The following CASKIN1 variants were observed in gnomAD, a reference collection of about 807,000 sequenced individuals.
CASKIN1 encodes the protein CASK interacting protein 1, also known as caskin-1.
CASKIN1 carries 42 observed loss-of-function variants against 117.5 expected under a neutral mutation model. That is an observed-to-expected ratio of 0.36 (90% CI 0.28 to 0.46). The LOEUF is 0.46. CASKIN1 is among the 20% of genes least tolerant of loss of function. The pLI is 1.00. For missense variants in CASKIN1, 2,083 were observed against 2,077.3 expected, an observed-to-expected ratio of 1.00 and a Z score of -0.05; for synonymous variants, 1,148 against 961.7, an observed-to-expected ratio of 1.19 and a Z score of -3.59.
Position 2,179,939 on chromosome 16 carries a change from G to A in CASKIN1, c.3429C>T (p.Thr1143=), listed in dbSNP as rs761036930. ...NQQENVKFIL[T]ESDTVKRRPK... ...GCCTGCGCTTGACCGTGTCAGACTC[G>A]GTCAGGATGAACTTGACGTTCTCCT... is the stretch of plus-strand genomic sequence containing the variant. Residue 1143 remains threonine, a synonymous_variant, in exon 18 of 20, where the codon ACC becomes ACT. Transcript: ENST00000343516. The surrounding 1 kb of genome is among the most constrained non-coding windows in gnomAD (Gnocchi z 5.8). 6 of 1,606,006 alleles carry A rather than the reference G, an allele frequency of 3.7e-6. No homozygotes were observed. The highest frequency in any genetic ancestry group is 2.2e-5 in the East Asian group (1 of 44,466).
chr16:2,184,846 T>A lies in CASKIN1; in HGVS notation c.1347A>T (p.Pro449=). ...GSAGVARSQP[P]VAHAGQVYGE... Reference sequence around the variant, plus strand: ...CATAGACCTGCCCGGCGTGGGCCACTGGAGGCTGGGACCGGGCCACACCTG... The same window carrying A: ...CATAGACCTGCCCGGCGTGGGCCACAGGAGGCTGGGACCGGGCCACACCTG... The change falls in exon 14 of 20, where the codon CCA becomes CCT. Residue 449 remains proline (P), a synonymous_variant. Coordinates refer to ENST00000343516, the MANE Select transcript of CASKIN1 (RefSeq NM_020764.4). The A allele has an allele frequency of 6.4e-7, 1 of 1,563,394 alleles. No individual in the cohort carries two copies. The highest frequency in any genetic ancestry group is 8.7e-7 in the Non-Finnish European group (1 of 1,154,622).
Position 2,181,300 on chromosome 16 carries a change from TGGTGGCCCTCGG to T in CASKIN1, c.2056_2067del (p.Pro686_Thr689del). The stretch of plus-strand genomic sequence containing the variant: ...CCACCCAGGCTGGAGTCCTGCCGCG[TGGTGGCCCTCGG>T]GGTGGGTGGCAGGTGGCTGGAGGGC... On this transcript the variant is annotated inframe_deletion, in exon 18 of 20. Transcript: ENST00000343516. 1 of 1,603,324 alleles carries T rather than the reference TGGTGGCCCTCGG, an allele frequency of 6.2e-7. No individual in the cohort carries two copies. The highest frequency in any genetic ancestry group is 8.5e-7 in the Non-Finnish European group (1 of 1,178,684).
At chr16:2,191,236 G>C (rs1195532368) in intron 1 of CASKIN1, among the ~76,000 whole-genome samples, 2 of 152,198 alleles carry the variant, frequency 1.3e-5, no homozygotes, top group African/African-American at 4.8e-5. Context: ...GGACAGGGTG[G>C]GGGCAGGAGC....
rs377070967 is a variant in CASKIN1 at position 2,184,964 on chromosome 16, C to G, written c.1311G>C (p.Pro437=). 1.3e-5 allele frequency: 21 copies of G among 1,604,612 alleles called. No individual in the cohort carries two copies. The African/African-American group carries it at 2.7e-4, about 20-fold the overall frequency. ...CCTTGCTCTTACCTGCAGAGCCTTC[C>G]GGAGGCTTGGCGGGGCTGTCCCCCG... is the stretch of plus-strand genomic sequence containing the variant. ...SGPGDSPAKP[P]EGSAGVARSQ... Residue 437 remains proline, a synonymous_variant, in exon 13 of 20, where the codon CCG becomes CCC. Transcript: ENST00000343516.
chr16:2,178,222 C>T lies in CASKIN1; in HGVS notation c.*328G>A, dbSNP rs1236660406. The stretch of plus-strand genomic sequence containing the variant: ...GCGGCTGGCCGGGCGTCCCGATGGG[C>T]AGTTCTGTGCTGGGCCCGGGCCTGT... On this transcript the variant is annotated 3_prime_UTR_variant, in exon 20 of 20. Transcript: ENST00000343516. 2.3e-6 allele frequency: 1 copy of T among 438,688 alleles called. No individual in the cohort carries two copies. The highest frequency in any genetic ancestry group is 4.2e-6 in the Non-Finnish European group (1 of 235,338). 27.2% of individuals were successfully genotyped at this position (438,688 alleles called of 1,614,324 possible).
intron 6 of CASKIN1, 121 bp downstream of exon 6, chr16:2,188,899 TGACCAGG>T: frequency 1.5e-6 from 2 of 1,365,262 alleles, no homozygotes; most frequent in Non-Finnish European, 2.0e-6. Context: ...GCCAGAGGCC[TGACCAGG>T]GACCTGGGAC....
At position 2,182,906 on chromosome 16, in the gene CASKIN1, T is replaced by C. The variant is rs2093172523; in HGVS notation, c.1629+740A>G. On this transcript the variant is annotated intron_variant, in intron 16 of 19. Transcript: ENST00000343516. This position sits in a 1 kb window ranked among gnomAD's most constrained non-coding sequence, Gnocchi z 4.1. Reference sequence around the variant, plus strand: ...CCCGGGTTCATGCCATTCTCCTGCCTCAGACTCCCAAGTAGCTGGGACTAT... The same window carrying C: ...CCCGGGTTCATGCCATTCTCCTGCCCCAGACTCCCAAGTAGCTGGGACTAT... Among the ~76,000 whole-genome samples the C allele has an allele frequency of 6.6e-6, 1 of 152,222 alleles. No individual in the cohort carries two copies. The highest frequency in any genetic ancestry group is 6.5e-5 in the Admixed American group (1 of 15,286).
Position 2,178,520 on chromosome 16 carries a change from G to A in CASKIN1, c.*30C>T. The A allele has an allele frequency of 2.0e-6, 3 of 1,532,636 alleles. No individual in the cohort carries two copies. Among genetic ancestry groups the A allele is most frequent in the Non-Finnish European group, 2.6e-6 (3 of 1,143,722 alleles). The allele number at this position is 1,532,636 out of a possible 1,614,324, so 94.9% of individuals were successfully genotyped here. A position where few individuals can be genotyped will look rare whatever the true frequency, so the allele number is the denominator to read the frequency against. On this transcript the variant is annotated 3_prime_UTR_variant, in exon 20 of 20. Transcript: ENST00000343516. ...AGGTCAGTGTGCGGGGAGGGCCCGGGCGGCGCGGGAGGGCCCGGCCAGGCG... is the reference window on the plus strand; with the variant it reads ...AGGTCAGTGTGCGGGGAGGGCCCGGACGGCGCGGGAGGGCCCGGCCAGGCG...
In CASKIN1 at chr16:2,180,418, G is replaced by C; in HGVS notation, c.2950C>G (p.Arg984Gly). 3 of 1,573,510 alleles carry C rather than the reference G, an allele frequency of 1.9e-6. No individual in the cohort carries two copies. The highest frequency in any genetic ancestry group is 2.6e-6 in the Non-Finnish European group (3 of 1,167,112). ...DGLLGVRAQC[R>G]RASDLAGSVD... The stretch of plus-strand genomic sequence containing the variant: ...CTGCCGGCCAGGTCACTGGCCCGCC[G>C]GCACTGTGCCCGGACCCCCAGCAGG... The change falls in exon 18 of 20, where the codon CGG becomes GGG. Residue 984 changes from arginine to glycine, a missense_variant. Coordinates refer to ENST00000343516, the MANE Select transcript of CASKIN1 (RefSeq NM_020764.4).
Position 2,180,655 on chromosome 16 carries a change from C to A in CASKIN1, c.2713G>T (p.Gly905Cys). 6.5e-7 allele frequency: 1 copy of A among 1,529,668 alleles called. No homozygotes were observed. The highest frequency in any genetic ancestry group is 1.2e-5 in the South Asian group (1 of 83,848). The allele number at this position is 1,529,668 out of a possible 1,614,324, so 94.8% of individuals were successfully genotyped here. Residue 905 changes from glycine to cysteine, a missense_variant, in exon 18 of 20, where the codon GGC becomes TGC. Gly to Cys is a radical substitution (Grantham distance 159). This residue lies in a region of CASKIN1 where 1,818 missense variants were observed against 1,688.9 expected (regional missense o/e 1.08). Transcript: ENST00000343516. ...RDELLVPAAA[G>C]PYATVQRRVG... ...CGCCGCTGGACCGTGGCATAGGGGC[C>A]GGCAGCCGCAGGCACCAGCAGCTCG...
chr16:2,178,078 G>A lies in CASKIN1; in HGVS notation c.*472C>T, dbSNP rs2093148696. The A allele has an allele frequency of 2.0e-6, 1 of 488,222 alleles. No individual in the cohort carries two copies. Among genetic ancestry groups the A allele is most frequent in the African/African-American group, 2.0e-5 (1 of 50,064 alleles). 30.2% of individuals were successfully genotyped at this position (488,222 alleles called of 1,614,324 possible). ...TAAAGTTATACCTTTTTGTTTCTCT[G>A]GGGAAATCCGCCTCAGCTCATTCCC... On this transcript the variant is annotated 3_prime_UTR_variant, in exon 20 of 20. Coordinates refer to ENST00000343516, the MANE Select transcript of CASKIN1 (RefSeq NM_020764.4).
At chr16:2,194,810 G>A (rs1256205147) in intron 1 of CASKIN1, among the ~76,000 whole-genome samples, 1 of 152,102 alleles carries the variant, frequency 6.6e-6, no homozygotes. Context: ...TAGAAGGGAG[G>A]AGGAACCTCC....
chr16:2,190,924 G>T (rs962618229), intron 1 of CASKIN1, among the ~76,000 whole-genome samples: 2 of 152,202 alleles, frequency 1.3e-5, no homozygotes, highest in African/African-American at 4.8e-5. Flanking sequence ...GAGTGGGCTG[G>T]CACCTCTGAG....
intron 16 of CASKIN1, among the ~76,000 whole-genome samples, chr16:2,183,429 C>T (rs1045289387): frequency 6.6e-6 from 1 of 152,154 alleles, no homozygotes; most frequent in African/African-American, 2.4e-5. Flanking sequence ...TTCAGGCTCC[C>T]TCAGCAACGA....
rs750787616 is a variant in CASKIN1, at chr16:2,179,788, G to C, written c.3580C>G (p.Pro1194Ala). 14 of 1,571,944 alleles carry C rather than the reference G, an allele frequency of 8.9e-6. No individual in the cohort carries two copies. In the South Asian group the frequency reaches 1.0e-4, roughly 12 times the overall value. ...GGCGGGGGTTCGGCAGGCGGGGGCG[G>C]TGGAGGCAGCTCCGGAGGCCCAGCC... Reference protein sequence around the residue: ...EQAGPPELPPPPPPAEPPPTD... With the variant: ...EQAGPPELPPAPPPAEPPPTD... Residue 1194 changes from proline to alanine, a missense_variant, in exon 18 of 20, where the codon CCG becomes GCG. Pro to Ala is a conservative substitution (Grantham distance 27). Coordinates refer to ENST00000343516, the MANE Select transcript of CASKIN1 (RefSeq NM_020764.4). The surrounding 1 kb of genome is among the most constrained non-coding windows in gnomAD (Gnocchi z 5.8).
Position 2,186,964 on chromosome 16 carries a change from G to A in CASKIN1, c.930+14C>T, listed in dbSNP as rs757595937. On this transcript the variant is annotated intron_variant, in intron 9 of 19. Coordinates refer to ENST00000343516, the MANE Select transcript of CASKIN1 (RefSeq NM_020764.4). ...CCCCCTCCCTGCTGAGATGGCCCCT[G>A]GGGCCATGCTTACTGTGATGATGTC... is the stretch of plus-strand genomic sequence containing the variant. 1 of 1,613,292 alleles carries A rather than the reference G, an allele frequency of 6.2e-7. No individual in the cohort carries two copies. Among genetic ancestry groups the A allele is most frequent in the Non-Finnish European group, 8.5e-7 (1 of 1,179,648 alleles).
rs373693139 is a variant in CASKIN1 at position 2,187,294 on chromosome 16, G to A, written c.727-20C>T. On this transcript the variant is annotated intron_variant, in intron 7 of 19. Transcript: ENST00000343516. ...CCCGCTCTGCACATGTGAGAGATGA[G>A]GCTCTGTCAGGAGCCCCTACAGTCC... 2 of 1,613,852 alleles carry A rather than the reference G, an allele frequency of 1.2e-6. No individual in the cohort carries two copies. The highest frequency in any genetic ancestry group is 1.1e-5 in the South Asian group (1 of 91,086).
In CASKIN1 at chr16:2,180,495, G is replaced by C. The variant is rs767140962; in HGVS notation, c.2873C>G (p.Ala958Gly). The part of the protein sequence containing the change: ...PPPKRSSSAL[A>G]SANLADEPVP... ...CGGCTCATCCGCCAGGTTGGCACTA[G>C]CCAGGGCCGAGCTGGAGCGCTTGGG... Residue 958 changes from alanine to glycine, a missense_variant, in exon 18 of 20, where the codon GCT (alanine) becomes GGT (glycine). By Grantham distance (60) the Ala-to-Gly change is moderately conservative (BLOSUM62 0). Coordinates refer to ENST00000343516, the MANE Select transcript of CASKIN1 (RefSeq NM_020764.4). The C allele has an allele frequency of 1.0e-4, 158 of 1,550,044 alleles. No individual in the cohort carries two copies. The highest frequency in any genetic ancestry group is 1.3e-4 in the Non-Finnish European group (152 of 1,154,104).
intron 3 of CASKIN1, 110 bp from the exon 4 acceptor site, chr16:2,189,674 G>A (rs1256925218): frequency 5.5e-6 from 6 of 1,083,126 alleles, no homozygotes; most frequent in Non-Finnish European, 1.3e-6. Context: ...CCTGGGGGGT[G>A]GGAGGGCGCT....
Sources: gnomAD v4.1 joint callset for allele counts (sites outside exome capture counted in the v4.1 genomes callset) on GRCh38, gnomAD v4.1.1 for gene constraint, gnomAD v4.1.1 regional missense constraint, Gnocchi (gnomAD v3.1) non-coding constraint, MANE v1.5 for transcripts, NCBI Gene and HGNC (gene_info 2026-07-23, HGNC 2026-07-21) for gene names.